The following RELN variants were observed in gnomAD, a reference collection of about 807,000 sequenced individuals.
RELN encodes reelin.
Under a neutral mutation model 427.6 loss-of-function variants are expected in RELN, and 108 were observed. That is an observed-to-expected ratio of 0.25 (90% CI 0.22 to 0.30). The LOEUF is 0.30. RELN is among the 10% of genes least tolerant of loss of function. RELN has a pLI of 1.00. For synonymous variants in RELN, 1,524 were observed against 1,513.4 expected (o/e 1.01, Z -0.16); for missense variants, 3,715 against 4,302.8 (o/e 0.86, Z 3.82).
At chr7:103,940,656 C>T (rs528368379) in intron 1 of RELN, among the ~76,000 whole-genome samples, 1 of 152,170 alleles carries the variant, frequency 6.6e-6, no homozygotes, top group Non-Finnish European at 1.5e-5. Context: ...GAGGCATAAA[C>T]CTCTCATATC....
At chr7:103,911,095 A>T (rs1433112447) in intron 2 of RELN, among the ~76,000 whole-genome samples, 1 of 145,160 alleles carries the variant, frequency 6.9e-6, no homozygotes, top group East Asian at 2.1e-4. Flanking sequence ...AATTTTCACA[A>T]CCTACTCATC....
intron 64 of RELN, among the ~76,000 whole-genome samples, chr7:103,478,115 T>A (rs1274387327): frequency 6.6e-6 from 1 of 152,200 alleles, no homozygotes; most frequent in Non-Finnish European, 1.5e-5. Context: ...TCAAATCTGT[T>A]GCCCAATGAT....
rs1160632302 is a variant in RELN, at chr7:103,989,009, G to C, written c.226+122C>G. ...TCTCGCTCCCTGGACCAAGCGCATC[G>C]CTGGGGCCAGGGTTGTCATGGTTCT... On this transcript the variant is annotated intron_variant, in intron 1 of 64. Coordinates refer to ENST00000428762, the MANE Select transcript of RELN (RefSeq NM_005045.4). This position sits in a 1 kb window ranked among gnomAD's most constrained non-coding sequence, Gnocchi z 4.9. 1.2e-6 allele frequency: 1 copy of C among 860,862 alleles called. No homozygotes were observed. The highest frequency in any genetic ancestry group is 1.9e-6 in the Non-Finnish European group (1 of 522,850). The allele number at this position is 860,862 out of a possible 1,614,324, so 53.3% of individuals were successfully genotyped here.
Position 103,850,398 on chromosome 7 carries a change from C to T in RELN, c.338-16726G>A, listed in dbSNP as rs189564259. On this transcript the variant is annotated intron_variant, in intron 2 of 64. Coordinates refer to ENST00000428762, the MANE Select transcript of RELN (RefSeq NM_005045.4). ...CTAGAGCTGAGTCAAGTTAAAATGCCAAGTCAAGTGAAATCCAGAGGTAGG... is the reference window on the plus strand; with the variant it reads ...CTAGAGCTGAGTCAAGTTAAAATGCTAAGTCAAGTGAAATCCAGAGGTAGG... 2.5e-3 allele frequency among the ~76,000 whole-genome samples: 382 copies of T among 152,248 alleles called. 1 individual carries two copies. Among genetic ancestry groups the T allele is most frequent in the Admixed American group, 5.0e-3 (76 of 15,292 alleles).
chr7:103,856,237 C>A (rs1793940884), intron 2 of RELN, among the ~76,000 whole-genome samples: 1 of 151,950 alleles, frequency 6.6e-6, no homozygotes, highest in African/African-American at 2.4e-5. Flanking sequence ...GGGGGAGGGG[C>A]AAACTGGAAG....
intron 2 of RELN, among the ~76,000 whole-genome samples, chr7:103,907,184 G>A (rs141730995): frequency 1.2e-3 from 179 of 151,460 alleles, no homozygotes; most frequent in South Asian, 5.7e-3. Context: ...TTGGGAGGCC[G>A]AGGCGGTTGG....
At chr7:103,785,251 C>T (rs1484120242) in intron 3 of RELN, among the ~76,000 whole-genome samples, 3 of 152,134 alleles carry the variant, frequency 2.0e-5, no homozygotes. Flanking sequence ...AGAGGCTCTG[C>T]TGTTTTAAAC....
At chr7:103,552,132 C>T (rs1391117663) in intron 40 of RELN, among the ~76,000 whole-genome samples, 1 of 152,166 alleles carries the variant, frequency 6.6e-6, no homozygotes, top group Non-Finnish European at 1.5e-5. Context: ...CTGGTATCCA[C>T]CAGTGTATTC....
intron 8 of RELN, among the ~76,000 whole-genome samples, chr7:103,711,849 G>A (rs1314521121): frequency 6.6e-6 from 1 of 151,998 alleles, no homozygotes; most frequent in Non-Finnish European, 1.5e-5. Context: ...TGTAGAGACA[G>A]GGTTTCACCA....
intron 4 of RELN, among the ~76,000 whole-genome samples, chr7:103,768,170 G>C (rs1791470901): frequency 6.6e-6 from 1 of 152,106 alleles, no homozygotes; most frequent in Non-Finnish European, 1.5e-5. Flanking sequence ...AATAATTTCA[G>C]TTCTTTTTGT....
intron 2 of RELN, among the ~76,000 whole-genome samples, chr7:103,890,859 T>C (rs1794833480): frequency 6.6e-6 from 1 of 152,070 alleles, no homozygotes; most frequent in Admixed American, 6.5e-5. Context: ...GGGCAGATAA[T>C]GAGGTCAGGA....
chr7:103,675,060 T>G (rs1833485361), intron 11 of RELN, among the ~76,000 whole-genome samples: 3 of 152,130 alleles, frequency 2.0e-5, no homozygotes, highest in East Asian at 1.9e-4. Context: ...GAGAAAGAAA[T>G]AAAGTGTATT....
At chr7:103,651,423 A>G (rs758862358) in intron 15 of RELN, among the ~76,000 whole-genome samples, 2 of 152,136 alleles carry the variant, frequency 1.3e-5, no homozygotes, top group African/African-American at 4.8e-5. Context: ...AAGTTCATGC[A>G]GTCCAAAATA....
intron 5 of RELN, among the ~76,000 whole-genome samples, chr7:103,752,328 A>G (rs1040739889): frequency 6.6e-6 from 1 of 152,136 alleles, no homozygotes; most frequent in Non-Finnish European, 1.5e-5. Context: ...CTGCCTCAAG[A>G]ACTGTGGGCC....
At chr7:103,799,527 G>A (rs1792392417) in intron 3 of RELN, among the ~76,000 whole-genome samples, 1 of 152,104 alleles carries the variant, frequency 6.6e-6, no homozygotes, top group South Asian at 2.1e-4. Flanking sequence ...ATTTGCACAT[G>A]CTGTCCAATT....
Position 103,495,647 on chromosome 7 carries a change from TTG to T in RELN, c.9369+74_9369+75del. The T allele has an allele frequency of 2.3e-6, 3 of 1,320,208 alleles. No homozygotes were observed. The Admixed American group carries it at 5.0e-5, about 22-fold the overall frequency. The allele number at this position is 1,320,208 out of a possible 1,614,324, so 81.8% of individuals were successfully genotyped here. A position where few individuals can be genotyped will look rare whatever the true frequency, so the allele number is the denominator to read the frequency against. On this transcript the variant is annotated intron_variant, in intron 57 of 64. Transcript: ENST00000428762. ...AATAATATCAGTCATTTCCTTATAGTTGTCTGACTAACCATTCTCCCTCGAGG... is the reference window on the plus strand; with the variant it reads ...AATAATATCAGTCATTTCCTTATAGTTCTGACTAACCATTCTCCCTCGAGG...
intron 19 of RELN, among the ~76,000 whole-genome samples, chr7:103,630,593 T>C (rs980022660): frequency 3.9e-5 from 6 of 152,108 alleles, no homozygotes; most frequent in Admixed American, 1.3e-4. Context: ...ATCTGACAAA[T>C]GGGGAAGAAA....
rs780081024 is a variant in RELN at position 103,594,412 on chromosome 7, T to G, written c.3620A>C (p.Glu1207Ala). 2.5e-6 allele frequency: 4 copies of G among 1,613,898 alleles called. No homozygotes were observed. The highest frequency in any genetic ancestry group is 3.3e-5 in the Admixed American group (2 of 59,988). ...ATCGACTGCCCACTGGTCATAGTCCTCCCCTGAGAACACGGGCTGCCACCA... is the reference window on the plus strand; with the variant it reads ...ATCGACTGCCCACTGGTCATAGTCCGCCCCTGAGAACACGGGCTGCCACCA... ...FRWWQPVFSG[E>A]DYDQWAVDDI... is the part of the protein sequence containing the mutation. The change falls in exon 26 of 65, where the codon GAG becomes GCG. Residue 1207 changes from glutamate to alanine, a missense_variant. Around this residue, in one of 4 missense-constraint regions of RELN, gnomAD observed 2,208 missense variants for 2,361.7 expected, o/e 0.93. Transcript: ENST00000428762.
intron 63 of RELN, among the ~76,000 whole-genome samples, chr7:103,479,391 G>A (rs566899468): frequency 1.3e-5 from 2 of 152,280 alleles, no homozygotes; most frequent in Admixed American, 1.3e-4. Flanking sequence ...GTCAATGATC[G>A]TGTTATGCCA....
Sources: allele counts gnomAD v4.1 joint callset (sites outside exome capture counted in the v4.1 genomes callset), GRCh38; gene constraint gnomAD v4.1.1; regional missense constraint gnomAD v4.1.1; non-coding constraint Gnocchi (gnomAD v3.1); transcripts MANE v1.5; gene names NCBI Gene and HGNC (gene_info 2026-07-23, HGNC 2026-07-21).